Variants in SCN7A observed in about 807,000 individuals in gnomAD.
SCN7A encodes the protein sodium voltage-gated channel alpha subunit 7, also known as sodium channel protein type 7 subunit alpha.
A neutral mutation model predicts 155.2 loss-of-function variants in SCN7A; 138 were observed. The observed-to-expected ratio is 0.89, with a 90% CI of 0.77 to 1.02. The LOEUF (loss-of-function observed/expected upper bound fraction) is 1.02. Among genes scored for constraint, SCN7A ranks in the 50% least tolerant of loss-of-function variants. The pLI, the probability that SCN7A is intolerant of heterozygous loss-of-function variation, is 0.00. For missense variants in SCN7A, 2,058 were observed against 1,986.6 expected (o/e 1.04, Z -0.68); for synonymous variants, 693 against 649.0 (o/e 1.07, Z -1.03).
At chr2:166,436,506 A>G (rs557253521) in intron 15 of SCN7A, 2 of 325,410 alleles carry the variant, frequency 6.1e-6, no homozygotes, top group Admixed American at 3.3e-5. Context: ...TTACACCCTT[A>G]TTAGCATCAT....
chr2:166,405,759 G>A lies in SCN7A; in HGVS notation c.4870C>T (p.Gln1624Ter). Residue 1624 changes from glutamine (Q) to a stop codon, truncating the protein, a stop_gained, in exon 26 of 26, where the codon CAA (glutamine) becomes TAA (stop). Transcript: ENST00000643258. LOFTEE classifies it low-confidence loss of function (END_TRUNC). ...EPITTTLKRK[Q>*]EAVSATIIQR... is the part of the protein sequence containing the mutation. Reference sequence around the variant, plus strand: ...ATGATGGTTGCTGAAACTGCCTCTTGTTTTCGTTTCAAAGTAGTCGTAATT... The same window carrying A: ...ATGATGGTTGCTGAAACTGCCTCTTATTTTCGTTTCAAAGTAGTCGTAATT... 1.2e-6 allele frequency: 2 copies of A among 1,612,990 alleles called. No homozygotes were observed. The highest frequency in any genetic ancestry group is 1.7e-4 in the Middle Eastern group (1 of 6,052).
At chr2:166,450,955 G>T (rs1474708004) in intron 11 of SCN7A, among the ~76,000 whole-genome samples, 3 of 152,032 alleles carry the variant, frequency 2.0e-5, no homozygotes, top group Non-Finnish European at 4.4e-5. Flanking sequence ...GTAATTTTTT[G>T]TTATTAAGAT....
At chr2:166,454,681 T>C (rs2105460151) in intron 11 of SCN7A, among the ~76,000 whole-genome samples, 1 of 152,276 alleles carries the variant, frequency 6.6e-6, no homozygotes, top group Admixed American at 6.5e-5. Flanking sequence ...CTTCTCTCTA[T>C]TTTTCGTTCT....
At chr2:166,407,948 A>T (rs1701111078) in intron 25 of SCN7A, among the ~76,000 whole-genome samples, 1 of 151,426 alleles carries the variant, frequency 6.6e-6, no homozygotes, top group Admixed American at 6.6e-5. Context: ...TTCAACTCCC[A>T]CTTATAAGTG....
chr2:166,443,370 T>G, intron 14 of SCN7A, 133 bp downstream of exon 14: 1 of 719,908 alleles, frequency 1.4e-6, no homozygotes. Flanking sequence ...CAATAAACTC[T>G]TTATATACTA....
intron 5 of SCN7A, among the ~76,000 whole-genome samples, 187 bp downstream of exon 5, chr2:166,473,612 T>A (rs1225681130): frequency 6.6e-6 from 1 of 151,268 alleles, no homozygotes; most frequent in Non-Finnish European, 1.5e-5. Context: ...AAATCAGGAA[T>A]GAGATTGCAA....
intron 15 of SCN7A, among the ~76,000 whole-genome samples, chr2:166,440,094 A>C (rs1701926391): frequency 6.6e-6 from 1 of 152,228 alleles, no homozygotes; most frequent in Non-Finnish European, 1.5e-5. Context: ...AGTTATTAGG[A>C]AACTTATAAG....
rs763831921 is a variant in SCN7A, at chr2:166,423,271, G to A, written c.3015C>T (p.Phe1005=). ...YFSNGWYRLD[F]VVVIVFCLSL... ...TTAAAATACGTACAATAACAACCACGAAGTCCAGCCTGTACCAGCCATTAG... is the reference window on the plus strand; with the variant it reads ...TTAAAATACGTACAATAACAACCACAAAGTCCAGCCTGTACCAGCCATTAG... The change falls in exon 19 of 26, where the codon TTC becomes TTT. Residue 1005 remains phenylalanine (F), a synonymous_variant. Coordinates refer to ENST00000643258, the MANE Select transcript of SCN7A (RefSeq NM_002976.4). The A allele has an allele frequency of 1.8e-5, 29 of 1,600,740 alleles. No homozygotes were observed. The African/African-American group carries it at 2.8e-4, about 16-fold the overall frequency.
intron 11 of SCN7A, among the ~76,000 whole-genome samples, chr2:166,454,299 G>T (rs1702233097): frequency 6.6e-6 from 1 of 152,082 alleles, no homozygotes; most frequent in Non-Finnish European, 1.5e-5. Context: ...TTTTTCTGTG[G>T]CTTACTCATA....
chr2:166,423,458 G>T, intron 18 of SCN7A, 26 bp from the exon 19 acceptor site: 1 of 1,493,126 alleles, frequency 6.7e-7, no homozygotes, highest in Non-Finnish European at 8.9e-7. Flanking sequence ...AAAAAATAAG[G>T]ATTAGGTGTA....
At chr2:166,425,581 T>A (rs1019732026) in intron 18 of SCN7A, among the ~76,000 whole-genome samples, 4 of 151,948 alleles carry the variant, frequency 2.6e-5, no homozygotes, top group African/African-American at 9.7e-5. Flanking sequence ...GGGGTCTCAG[T>A]TCCTTCCTTT....
chr2:166,441,750 T>C lies in SCN7A; in HGVS notation c.1803A>G (p.Leu601=), dbSNP rs1701967535. The change falls in exon 15 of 26, where the codon TTA becomes TTG. Residue 601 remains leucine, a splice_region_variant and synonymous_variant. Coordinates refer to ENST00000643258, the MANE Select transcript of SCN7A (RefSeq NM_002976.4). ...AATACTTTCCCAACTTGAAAATTCT[T>C]AACTAATAGAGCAATGTAAAATCAA... ...GMALLRLFRM[L]RIFKLGKYWP... The C allele has an allele frequency of 6.3e-7, 1 of 1,595,392 alleles. No homozygotes were observed. Among genetic ancestry groups the C allele is most frequent in the African/African-American group, 1.4e-5 (1 of 73,888 alleles).
rs963815377 is a variant in SCN7A, at chr2:166,423,446, T to TA, written c.2854-15dup. On this transcript the variant is annotated splice_polypyrimidine_tract_variant and intron_variant, in intron 18 of 25. Transcript: ENST00000643258. ...ATCTTCAAAAGCCTGTGGGTAAAAA[T>TA]AAAAAAATAAGGATTAGGTGTACAG... is the stretch of plus-strand genomic sequence containing the variant. 6 of 1,510,388 alleles carry TA rather than the reference T, an allele frequency of 4.0e-6. No individual in the cohort carries two copies. The highest frequency in any genetic ancestry group is 2.7e-5 in the Admixed American group (1 of 37,622). 93.6% of individuals were successfully genotyped at this position (1,510,388 alleles called of 1,614,324 possible).
chr2:166,475,104 GTATATATATA>G (rs370064873), intron 3 of SCN7A, among the ~76,000 whole-genome samples: 3 of 86,026 alleles, frequency 3.5e-5, no homozygotes, highest in Admixed American at 2.6e-4. Flanking sequence ...ACATATATAT[GTATATATATA>G]TATATACATA....
intron 21 of SCN7A, among the ~76,000 whole-genome samples, chr2:166,414,973 TATA>T (rs1701340751): frequency 8.6e-6 from 1 of 116,592 alleles, no homozygotes; most frequent in South Asian, 2.4e-4. Context: ...TAGGATAATA[TATA>T]ATATATATTA....
chr2:166,432,183 A>T, intron 16 of SCN7A, 135 bp downstream of exon 16: 1 of 654,476 alleles, frequency 1.5e-6, no homozygotes, highest in Non-Finnish European at 2.6e-6. Flanking sequence ...GTCAGAGGCT[A>T]AGAGTGATGG....
chr2:166,417,111 A>G (rs1243789408), intron 20 of SCN7A, 126 bp from the exon 21 acceptor site: 1 of 735,690 alleles, frequency 1.4e-6, no homozygotes, highest in African/African-American at 1.8e-5. Context: ...GGCCATATCT[A>G]AAGATTTAAC....
At chr2:166,479,151 C>A (rs1702865111) in intron 2 of SCN7A, among the ~76,000 whole-genome samples, 1 of 151,936 alleles carries the variant, frequency 6.6e-6, no homozygotes, top group South Asian at 2.1e-4. Context: ...TAAGATTTTC[C>A]CAAGACAGAA....
Position 166,416,909 on chromosome 2 carries a change from A to G in SCN7A, c.3212T>C (p.Ile1071Thr), listed in dbSNP as rs930127630. Reference protein sequence around the residue: ...VFLVCLMIWLIFSIMGVDLFA... With the variant: ...VFLVCLMIWLTFSIMGVDLFA... ...TAAGTCTACTCCCATGATACTAAAA[A>G]TCAGCCAGATCATCAGGCAGACAAG... The change falls in exon 21 of 26, where the codon ATT becomes ACT. Residue 1071 changes from isoleucine to threonine, a missense_variant. Coordinates refer to ENST00000643258, the MANE Select transcript of SCN7A (RefSeq NM_002976.4). 42 of 1,612,700 alleles carry G rather than the reference A, an allele frequency of 2.6e-5. No individual in the cohort carries two copies. Among genetic ancestry groups the G allele is most frequent in the Non-Finnish European group, 3.3e-5 (39 of 1,179,330 alleles).
Sources: gnomAD v4.1 joint callset for allele counts (sites outside exome capture counted in the v4.1 genomes callset) on GRCh38, gnomAD v4.1.1 for gene constraint, MANE v1.5 for transcripts, NCBI Gene and HGNC (gene_info 2026-07-23, HGNC 2026-07-21) for gene names.